Variants in PKIA observed in about 807,000 individuals in gnomAD.
PKIA encodes cAMP-dependent protein kinase inhibitor alpha, also known as PKI-alpha.
Under a neutral mutation model 7.6 loss-of-function variants are expected in PKIA, and 4 were observed. The ratio of observed to expected loss-of-function variants is 0.52; its 90% CI spans 0.26 to 1.20. The LOEUF (loss-of-function observed/expected upper bound fraction) is 1.20, where lower values mean the gene tolerates loss of function less well. Ranked by LOEUF, PKIA falls within the 50% of genes most tolerant of loss-of-function variation. The pLI, the probability that PKIA is intolerant of heterozygous loss-of-function variation, is 0.13. For missense variants in PKIA, 73 were observed against 86.2 expected (o/e 0.85, Z 0.61); for synonymous variants, 21 against 30.7 (o/e 0.68, Z 1.04).
chr8:78,520,708 T>C (rs1233178936), intron 1 of PKIA, among the ~76,000 whole-genome samples: 1 of 152,208 alleles, frequency 6.6e-6, no homozygotes, highest in East Asian at 1.9e-4. Context: ...TCTCAAACTT[T>C]TGATAACTCA....
chr8:78,601,027 A>G (rs1808338758), intron 3 of PKIA, among the ~76,000 whole-genome samples: 1 of 152,126 alleles, frequency 6.6e-6, no homozygotes, highest in South Asian at 2.1e-4. Context: ...TAGAATTGCC[A>G]ACAGCTTGCA....
Position 78,568,042 on chromosome 8 carries a change from T to G in PKIA, c.-156-4769T>G, listed in dbSNP as rs931120567. On this transcript the variant is annotated intron_variant, in intron 1 of 3. Transcript: ENST00000396418. ...CTAGTTCCTTTACTGGGGAGTGGTA[T>G]TAGCACCAAGATCTGGGTGCTATAT... is the stretch of plus-strand genomic sequence containing the variant. Among the ~76,000 whole-genome samples the G allele has an allele frequency of 3.9e-5, 6 of 152,276 alleles. 1 individual carries two copies. Among genetic ancestry groups the G allele is most frequent in the Admixed American group, 3.9e-4 (6 of 15,290 alleles).
intron 1 of PKIA, among the ~76,000 whole-genome samples, chr8:78,548,066 A>C (rs115240877): frequency 6.6e-6 from 1 of 152,114 alleles, no homozygotes; most frequent in Non-Finnish European, 1.5e-5. Flanking sequence ...AGTATGAAAT[A>C]AGTTTTAAAA....
chr8:78,568,563 TA>T (rs1214694310), intron 1 of PKIA, among the ~76,000 whole-genome samples: 2 of 152,052 alleles, frequency 1.3e-5, no homozygotes, highest in Non-Finnish European at 2.9e-5. Context: ...AGGCACCAAA[TA>T]GTGAAAACTG....
At chr8:78,559,662 C>T (rs1271461848) in intron 1 of PKIA, among the ~76,000 whole-genome samples, 2 of 152,132 alleles carry the variant, frequency 1.3e-5, no homozygotes, top group Non-Finnish European at 2.9e-5. Context: ...GCTGCTTTCC[C>T]GAGCTCATTG....
chr8:78,539,497 A>G (rs188592934), intron 1 of PKIA, among the ~76,000 whole-genome samples: 24 of 152,238 alleles, frequency 1.6e-4, no homozygotes, highest in Admixed American at 1.3e-3. Flanking sequence ...AGAACATCTA[A>G]CATCAATACT....
At chr8:78,537,112 T>G (rs959177776) in intron 1 of PKIA, among the ~76,000 whole-genome samples, 1 of 151,896 alleles carries the variant, frequency 6.6e-6, no homozygotes, top group Non-Finnish European at 1.5e-5. Flanking sequence ...GGCCACTTCC[T>G]TTGATAAACC....
intron 2 of PKIA, among the ~76,000 whole-genome samples, chr8:78,574,113 CT>C (rs1807618996): frequency 6.6e-6 from 1 of 151,866 alleles, no homozygotes; most frequent in Non-Finnish European, 1.5e-5. Context: ...TACTTGCAAA[CT>C]TTTCTTTTCT....
intron 3 of PKIA, among the ~76,000 whole-genome samples, chr8:78,600,439 C>G (rs1039684440): frequency 1.3e-5 from 2 of 151,992 alleles, no homozygotes; most frequent in Non-Finnish European, 2.9e-5. Flanking sequence ...GAGAAGTGTC[C>G]CCAGACATCT....
chr8:78,574,193 T>C (rs1466865886), intron 2 of PKIA, among the ~76,000 whole-genome samples: 1 of 152,034 alleles, frequency 6.6e-6, no homozygotes, highest in Admixed American at 6.6e-5. Flanking sequence ...AATGCATATA[T>C]ACATTGTATA....
intron 1 of PKIA, among the ~76,000 whole-genome samples, chr8:78,518,489 T>G (rs950580130): frequency 6.6e-6 from 1 of 152,182 alleles, no homozygotes; most frequent in Non-Finnish European, 1.5e-5. Flanking sequence ...ATAATGAATT[T>G]TAATATAGTT....
intron 1 of PKIA, among the ~76,000 whole-genome samples, chr8:78,539,884 ATACACC>A (rs1806631648): frequency 6.6e-6 from 1 of 152,048 alleles, no homozygotes; most frequent in Non-Finnish European, 1.5e-5. Context: ...ATATATAAAC[ATACACC>A]TACAGTTTTA....
At chr8:78,576,444 A>C (rs1807675194) in intron 2 of PKIA, among the ~76,000 whole-genome samples, 3 of 152,006 alleles carry the variant, frequency 2.0e-5, no homozygotes, top group Non-Finnish European at 2.9e-5. Context: ...TTTTCTTAAC[A>C]AAGAAGAATA....
intron 1 of PKIA, among the ~76,000 whole-genome samples, chr8:78,550,655 T>G (rs533105405): frequency 6.3e-4 from 96 of 152,198 alleles, no homozygotes; most frequent in African/African-American, 2.2e-3. Context: ...TTTCATTTAT[T>G]TATGTTTTTT....
chr8:78,562,513 C>T (rs984340465), intron 1 of PKIA, among the ~76,000 whole-genome samples: 1 of 152,190 alleles, frequency 6.6e-6, no homozygotes, highest in African/African-American at 2.4e-5. Context: ...CCTTCAGTAT[C>T]TCTTCCAGAC....
At chr8:78,573,655 A>C (rs1807608901) in intron 2 of PKIA, among the ~76,000 whole-genome samples, 1 of 152,016 alleles carries the variant, frequency 6.6e-6, no homozygotes, top group Non-Finnish European at 1.5e-5. Flanking sequence ...TATACTTATT[A>C]ATATATACAT....
In PKIA at chr8:78,603,262, TC is replaced by T. The variant is rs1306413566; in HGVS notation, c.*1444del. ...CTGGACAAATAGCAGACAATGGGAGTCCCTTTACAATAACGAGCCCACTTAG... is the reference window on the plus strand; with the variant it reads ...CTGGACAAATAGCAGACAATGGGAGTCCTTTACAATAACGAGCCCACTTAG... On this transcript the variant is annotated 3_prime_UTR_variant, in exon 4 of 4. Coordinates refer to ENST00000396418, the MANE Select transcript of PKIA (RefSeq NM_006823.4). 1.3e-5 allele frequency: 2 copies of T among 152,174 alleles called. No individual in the cohort carries two copies. Among genetic ancestry groups the T allele is most frequent in the East Asian group, 3.9e-4 (2 of 5,168 alleles). 9.4% of individuals were successfully genotyped at this position (152,174 alleles called of 1,614,324 possible).
chr8:78,547,101 G>GT (rs1007982352), intron 1 of PKIA, among the ~76,000 whole-genome samples: 31 of 150,618 alleles, frequency 2.1e-4, no homozygotes, highest in East Asian at 5.9e-4. Context: ...AAACAGTTTT[G>GT]TTTTTTTTTG....
chr8:78,528,242 C>T (rs1319569676), intron 1 of PKIA, among the ~76,000 whole-genome samples: 1 of 152,032 alleles, frequency 6.6e-6, no homozygotes, highest in Non-Finnish European at 1.5e-5. Flanking sequence ...TACCCTAACC[C>T]AAGTAGTATA....
Sources: allele counts gnomAD v4.1 joint callset (sites outside exome capture counted in the v4.1 genomes callset), GRCh38; gene constraint gnomAD v4.1.1; transcripts MANE v1.5; gene names NCBI Gene and HGNC (gene_info 2026-07-23, HGNC 2026-07-21).